PAK6: variants seen among roughly 807,000 people sequenced by gnomAD.
PAK6 encodes p21 (RAC1) activated kinase 6.
A neutral mutation model predicts 60.8 loss-of-function variants in PAK6; 33 were observed. That is an observed-to-expected ratio of 0.54 (90% confidence interval 0.41 to 0.73). The LOEUF is 0.73. Ranked by LOEUF, PAK6 falls within the 30% of genes least tolerant of loss-of-function variation. The pLI is 0.00. For synonymous variants in PAK6, 404 were observed against 378.5 expected (o/e 1.07, Z -0.78); for missense variants, 845 against 904.1 (o/e 0.93, Z 0.84).
chr15:40,246,050 A>T (rs569618238), intron 2 of PAK6: 12 of 152,378 alleles, frequency 7.9e-5, no homozygotes, highest in African/African-American at 2.9e-4. Flanking sequence ...CCGAGGATAA[A>T]CTTTGCACAC....
chr15:40,272,832 T>A lies in PAK6; in HGVS notation c.1357-34T>A, dbSNP rs768564764. The A allele has an allele frequency of 3.1e-6, 5 of 1,608,716 alleles. No individual in the cohort carries two copies. In the South Asian group the frequency reaches 5.5e-5, roughly 18 times the overall value. On this transcript the variant is annotated intron_variant, in intron 6 of 10. Transcript: ENST00000560346. Reference sequence around the variant, plus strand: ...AGTGGGTGGCCATGCGTCTGGGCACTGTGCCTGGCACTCAGGCCCCCGCCT... The same window carrying A: ...AGTGGGTGGCCATGCGTCTGGGCACAGTGCCTGGCACTCAGGCCCCCGCCT...
intron 2 of PAK6, among the ~76,000 whole-genome samples, chr15:40,244,002 G>T (rs76953262): frequency 0.022 from 3,316 of 152,284 alleles, 101 homozygotes; most frequent in African/African-American, 0.07. Context: ...GCCACGGCAG[G>T]CTCCTGGATC....
At chr15:40,266,430 T>G in exon 5 of PAK6, 3 of 1,613,132 alleles carry the variant, frequency 1.9e-6, no homozygotes, top group Non-Finnish European at 2.5e-6. Flanking sequence ...CCGAAGCATG[T>G]TCCTGTCCAC....
chr15:40,273,112 C>A, intron 7 of PAK6, 113 bp downstream of exon 7: 4 of 1,389,650 alleles, frequency 2.9e-6, no homozygotes, highest in Non-Finnish European at 3.9e-6. Flanking sequence ...CTGGGCTCCC[C>A]TGCCTGCTGG....
exon 1 of PAK6, chr15:40,239,775 C>T: frequency 6.5e-6 from 1 of 153,584 alleles, no homozygotes; most frequent in Non-Finnish European, 1.4e-5. Context: ...GAGAGCGAGG[C>T]TGGATTGGCT....
chr15:40,241,873 C>G (rs1253977293), intron 2 of PAK6, among the ~76,000 whole-genome samples: 3 of 152,194 alleles, frequency 2.0e-5, no homozygotes, highest in Non-Finnish European at 4.4e-5. Context: ...TCAGGAGGAA[C>G]CCATAAGTGT....
chr15:40,247,882 C>G (rs892802395), intron 2 of PAK6, among the ~76,000 whole-genome samples: 1 of 152,162 alleles, frequency 6.6e-6, no homozygotes, highest in Non-Finnish European at 1.5e-5. Context: ...AAACCAAGCT[C>G]CAGTGTGCAT....
chr15:40,271,940 C>CAA (rs2039314301), intron 5 of PAK6, among the ~76,000 whole-genome samples: 3 of 152,180 alleles, frequency 2.0e-5, no homozygotes, highest in African/African-American at 7.2e-5. Flanking sequence ...CAGGACCCGG[C>CAA]GGGGAGCTGG....
chr15:40,271,669 G>A (rs2039305311), intron 5 of PAK6, among the ~76,000 whole-genome samples: 1 of 152,186 alleles, frequency 6.6e-6, no homozygotes, highest in African/African-American at 2.4e-5. Flanking sequence ...ACTCCCTGCT[G>A]CAGGCACAGG....
intron 2 of PAK6, chr15:40,251,663 T>G (rs1175617533): frequency 6.6e-6 from 1 of 152,470 alleles, no homozygotes; most frequent in Non-Finnish European, 1.5e-5. Context: ...TGTACTGAGT[T>G]TCCAAGCCAG....
chr15:40,259,857 G>GA (rs35563178), intron 3 of PAK6: 1 of 146,614 alleles, frequency 6.8e-6, no homozygotes, highest in Non-Finnish European at 1.5e-5. Context: ...GGAAAACTTA[G>GA]AAAAAGAGTA....
At chr15:40,273,651 T>A in exon 9 of PAK6, 1 of 1,613,976 alleles carries the variant, frequency 6.2e-7, no homozygotes, top group Non-Finnish European at 8.5e-7. Flanking sequence ...CCTGAAGTGA[T>A]CTCCAGGTCT....
At chr15:40,271,721 C>T (rs895408954) in intron 5 of PAK6, among the ~76,000 whole-genome samples, 1 of 150,188 alleles carries the variant, frequency 6.7e-6, no homozygotes, top group Non-Finnish European at 1.5e-5. Flanking sequence ...TGCCTTGGTT[C>T]AGGGAGTGGA....
In PAK6 at chr15:40,252,948, G is replaced by T. The variant is rs542114315; in HGVS notation, c.-117-230G>T. The T allele has an allele frequency of 4.4e-6, 4 of 908,822 alleles. No homozygotes were observed. The African/African-American group carries it at 5.6e-5, about 13-fold the overall frequency. The allele number at this position is 908,822 out of a possible 1,614,324, so 56.3% of individuals were successfully genotyped here. On this transcript the variant is annotated intron_variant, in intron 2 of 10. Transcript: ENST00000560346. ...CGAGCTGGGGCCGGGTGGCCGCGCC[G>T]GGTCGGAGTGTGGCTGGAGAGGGGC...
intron 2 of PAK6, chr15:40,245,261 T>A (rs2038466367): frequency 6.6e-6 from 1 of 152,280 alleles, no homozygotes; most frequent in South Asian, 2.1e-4. Flanking sequence ...CTGATCCCAG[T>A]GCAGCGGGGA....
In PAK6 at chr15:40,271,980, C is replaced by T. The variant is rs536815422; in HGVS notation, c.859-244C>T. The stretch of plus-strand genomic sequence containing the variant: ...CTCTGTCTTCCCAGGTGCAGCAGAG[C>T]GAGTGTAAGGAGCTGTCTTGGGCCT... On this transcript the variant is annotated intron_variant, in intron 5 of 10. Transcript: ENST00000560346. Among the ~76,000 whole-genome samples, 15 of 152,318 alleles carry T rather than the reference C, an allele frequency of 9.8e-5. No individual in the cohort carries two copies. The South Asian group carries it at 2.3e-3, about 23-fold the overall frequency.
Position 40,266,195 on chromosome 15 carries a change from G to C in PAK6, c.558G>C (p.Gln186His), listed in dbSNP as rs2039127603. Residue 186 changes from glutamine (Q) to histidine (H), a missense_variant, in exon 5 of 11, where the codon CAG becomes CAC. Gln to His is a conservative substitution (Grantham distance 24, BLOSUM62 0). Transcript: ENST00000560346. Reference sequence around the variant, plus strand: ...AGTCCCTGGGCCCCGCCGAGTTTCAGGGTGCCTCGCAGCGCTGTCTGCAGC... The same window carrying C: ...AGTCCCTGGGCCCCGCCGAGTTTCACGGTGCCTCGCAGCGCTGTCTGCAGC... 3 of 1,609,484 alleles carry C rather than the reference G, an allele frequency of 1.9e-6. No homozygotes were observed. The highest frequency in any genetic ancestry group is 2.5e-6 in the Non-Finnish European group (3 of 1,179,840).
chr15:40,272,781 C>T (rs2039346362), intron 6 of PAK6, 60 bp downstream of exon 6: 1 of 1,582,174 alleles, frequency 6.3e-7, no homozygotes, highest in South Asian at 1.2e-5. Flanking sequence ...AGCAGCCAGC[C>T]AGGCTGGACA....
exon 3 of PAK6, chr15:40,253,289 G>A (rs1214131036): frequency 6.6e-6 from 3 of 455,606 alleles, no homozygotes; most frequent in Non-Finnish European, 1.3e-5. Context: ...GGCGCCGGAA[G>A]GTGAGTGAGC....
Sources: allele counts gnomAD v4.1 joint callset (sites outside exome capture counted in the v4.1 genomes callset), GRCh38; gene constraint gnomAD v4.1.1; transcripts MANE v1.5; gene names NCBI Gene and HGNC (gene_info 2026-07-23, HGNC 2026-07-21).